TLN2: variants seen among roughly 807,000 people sequenced by gnomAD.
TLN2 encodes the protein talin-2.
A neutral mutation model predicts 294.7 loss-of-function variants in TLN2; 118 were observed. That is an observed-to-expected ratio of 0.40 (90% CI 0.34 to 0.47). The LOEUF is 0.47. Among genes scored for constraint, TLN2 ranks in the 20% least tolerant of loss-of-function variants. TLN2 has a pLI of 0.84. For missense variants in TLN2, 3,083 were observed against 3,282.2 expected, an observed-to-expected ratio of 0.94 and a Z score of 1.48; for synonymous variants, 1,431 against 1,304.5, an observed-to-expected ratio of 1.10 and a Z score of -2.09.
chr15:62,565,794 G>A (rs914150900), intron 1 of TLN2, among the ~76,000 whole-genome samples: 8 of 152,060 alleles, frequency 5.3e-5, no homozygotes, highest in African/African-American at 1.2e-4. Context: ...TGTATTTCCC[G>A]CCCTCAAGAA....
chr15:62,743,695 A>G (rs995581016), intron 32 of TLN2, among the ~76,000 whole-genome samples: 1 of 152,158 alleles, frequency 6.6e-6, no homozygotes, highest in Non-Finnish European at 1.5e-5. Context: ...TCAAGGAAAT[A>G]GAAAGCTAGC....
At chr15:62,839,004 G>A in intron 58 of TLN2, 23 bp downstream of exon 58, 4 of 1,610,404 alleles carry the variant, frequency 2.5e-6, no homozygotes, top group Non-Finnish European at 2.5e-6. Flanking sequence ...ATCAAGAATA[G>A]TATTTACTTC....
intron 2 of TLN2, among the ~76,000 whole-genome samples, chr15:62,606,342 C>T (rs1439182966): frequency 2.0e-5 from 3 of 151,990 alleles, no homozygotes; most frequent in African/African-American, 4.8e-5. Context: ...CCACCCACCT[C>T]AGCCTCCCAA....
chr15:62,829,078 C>CATTTATTT (rs571233078), intron 54 of TLN2: 8 of 150,940 alleles, frequency 5.3e-5, no homozygotes, highest in African/African-American at 1.5e-4. Flanking sequence ...GAGGGCTATC[C>CATTTATTT]ATTTATTTAT....
chr15:62,491,337 AATATATAT>A (rs769670199), intron 1 of TLN2, among the ~76,000 whole-genome samples: 13 of 114,988 alleles, frequency 1.1e-4, no homozygotes, highest in African/African-American at 4.1e-4. Context: ...AAAAAAAAAA[AATATATAT>A]ATATATACAC....
At chr15:62,423,404 A>C (rs757869100) in intron 1 of TLN2, among the ~76,000 whole-genome samples, 1 of 152,000 alleles carries the variant, frequency 6.6e-6, no homozygotes, top group Non-Finnish European at 1.5e-5. Context: ...ACAACAACAA[A>C]AAGTCACTGG....
chr15:62,539,398 A>C (rs2041543340), intron 1 of TLN2, among the ~76,000 whole-genome samples: 1 of 152,040 alleles, frequency 6.6e-6, no homozygotes, highest in South Asian at 2.1e-4. Context: ...CAAATCTGTC[A>C]CCTAGTGGGC....
chr15:62,807,209 C>T (rs2066351493), intron 51 of TLN2, among the ~76,000 whole-genome samples: 1 of 152,026 alleles, frequency 6.6e-6, no homozygotes, highest in Non-Finnish European at 1.5e-5. Context: ...GAGATAACTG[C>T]CAAAGGGGTT....
rs1485434756 is a variant in TLN2, at chr15:62,719,784, C to A, written c.2895C>A (p.Ile965=). 3 of 1,608,186 alleles carry A rather than the reference C, an allele frequency of 1.9e-6. No homozygotes were observed. The highest frequency in any genetic ancestry group is 2.5e-6 in the Non-Finnish European group (3 of 1,177,038). The change falls in exon 25 of 59, where the codon ATC becomes ATA. Residue 965 remains isoleucine (I), a synonymous_variant. Transcript: ENST00000636159. ...TTCTGCAGGCAGTGGCTGATCACATCCCTCAGCTGGTCCAGGGAGTGAGGG... is the reference window on the plus strand; with the variant it reads ...TTCTGCAGGCAGTGGCTGATCACATACCTCAGCTGGTCCAGGGAGTGAGGG... ...VQSCKAVADH[I]PQLVQGVRGS...
At chr15:62,526,897 A>G (rs965477091) in intron 1 of TLN2, among the ~76,000 whole-genome samples, 1 of 152,210 alleles carries the variant, frequency 6.6e-6, no homozygotes, top group Non-Finnish European at 1.5e-5. Context: ...TAGCATTCAC[A>G]AAAGTGAGGT....
rs535767071 is a variant in TLN2, at chr15:62,651,168, A to G, written c.235-837A>G. ...ACACACTGATGTCTTTTTAACAGGC[A>G]AGTAGTCACCTCCCTCTGCTAATTC... On this transcript the variant is annotated intron_variant, in intron 5 of 58. Coordinates refer to ENST00000636159, the MANE Select transcript of TLN2 (RefSeq NM_015059.3). Among the ~76,000 whole-genome samples the G allele has an allele frequency of 4.2e-4, 64 of 152,364 alleles. 1 individual carries two copies. In the South Asian group the frequency reaches 0.013, roughly 30 times the overall value.
In TLN2 at chr15:62,650,170, T is replaced by G. The variant is rs1199882087; in HGVS notation, c.223T>G (p.Leu75Val). The stretch of plus-strand genomic sequence containing the variant: ...GGGCAGAACACTGGATTACTACATG[T>G]TGCGGAATGGGGTATGCTGCCAATC... ...EAGRTLDYYM[L>V]RNGDILEYKK... The change falls in exon 5 of 59, where the codon TTG (leucine) becomes GTG (valine). Residue 75 changes from leucine (L) to valine (V), a missense_variant. By Grantham distance (32) the Leu-to-Val change is conservative (BLOSUM62 1). Coordinates refer to ENST00000636159, the MANE Select transcript of TLN2 (RefSeq NM_015059.3). 1.2e-6 allele frequency: 2 copies of G among 1,614,162 alleles called. No homozygotes were observed. Among genetic ancestry groups the G allele is most frequent in the Non-Finnish European group, 1.7e-6 (2 of 1,180,012 alleles).
At chr15:62,463,611 C>T (rs574234680) in intron 1 of TLN2, among the ~76,000 whole-genome samples, 10 of 152,314 alleles carry the variant, frequency 6.6e-5, no homozygotes, top group East Asian at 3.9e-4. Flanking sequence ...AACAGGCCGG[C>T]GCGGTGCCTC....
At chr15:62,700,915 G>A (rs763036326) in intron 16 of TLN2, among the ~76,000 whole-genome samples, 191 bp from the exon 17 acceptor site, 3 of 152,122 alleles carry the variant, frequency 2.0e-5, no homozygotes, top group African/African-American at 2.4e-5. Context: ...GAATTTGCAC[G>A]CCATTGAGTA....
At chr15:62,653,493 A>G (rs1030102268) in intron 7 of TLN2, among the ~76,000 whole-genome samples, 179 bp downstream of exon 7, 1 of 152,214 alleles carries the variant, frequency 6.6e-6, no homozygotes, top group Non-Finnish European at 1.5e-5. Flanking sequence ...TGGGAGGCCA[A>G]GGCAGGTGTA....
intron 57 of TLN2, among the ~76,000 whole-genome samples, chr15:62,836,765 C>T (rs1221923531): frequency 6.6e-6 from 1 of 152,238 alleles, no homozygotes; most frequent in Non-Finnish European, 1.5e-5. Flanking sequence ...ACAGCCCCAA[C>T]ATCTTCATAT....
At chr15:62,833,424 G>C in intron 54 of TLN2, 80 bp from the exon 55 acceptor site, 1 of 1,551,016 alleles carries the variant, frequency 6.4e-7, no homozygotes, top group Non-Finnish European at 8.8e-7. Flanking sequence ...AGAGCCAGGT[G>C]ACCCGGCAGT....
At chr15:62,446,973 A>ACTG (rs768440547) in intron 1 of TLN2, among the ~76,000 whole-genome samples, 1 of 152,016 alleles carries the variant, frequency 6.6e-6, no homozygotes, top group East Asian at 1.9e-4. Context: ...TTCTGCAAGA[A>ACTG]GTTAATAGGG....
intron 58 of TLN2, 33 bp downstream of exon 58, chr15:62,839,014 C>G (rs373340371): frequency 7.5e-6 from 12 of 1,602,420 alleles, no homozygotes; most frequent in Non-Finnish European, 1.0e-5. Flanking sequence ...GTATTTACTT[C>G]CCGAGAGAGG....
Sources: gnomAD v4.1 joint callset for allele counts (sites outside exome capture counted in the v4.1 genomes callset) on GRCh38, gnomAD v4.1.1 for gene constraint, MANE v1.5 for transcripts, NCBI Gene and HGNC (gene_info 2026-07-23, HGNC 2026-07-21) for gene names.